The following HPCAL1 variants were observed in gnomAD, a reference collection of about 807,000 sequenced individuals.
HPCAL1 encodes hippocalcin-like protein 1.
Under a neutral mutation model 17.1 loss-of-function variants are expected in HPCAL1, and 8 were observed. The observed-to-expected ratio is 0.47, with a 90% CI of 0.27 to 0.84. The LOEUF (loss-of-function observed/expected upper bound fraction) is 0.84, where lower values mean the gene tolerates loss of function less well. Ranked by LOEUF, HPCAL1 falls within the 40% of genes least tolerant of loss-of-function variation. HPCAL1 has a pLI of 0.13. For missense variants in HPCAL1, 165 were observed against 271.1 expected, an observed-to-expected ratio of 0.61 and a Z score of 2.75; for synonymous variants, 112 against 111.4, an observed-to-expected ratio of 1.01 and a Z score of -0.03.
chr2:10,426,933 T>A lies in HPCAL1; in HGVS notation c.*112T>A. The A allele has an allele frequency of 9.9e-7, 1 of 1,012,508 alleles. No individual in the cohort carries two copies. Among genetic ancestry groups the A allele is most frequent in the Non-Finnish European group, 1.5e-6 (1 of 663,774 alleles). 62.7% of individuals were successfully genotyped at this position (1,012,508 alleles called of 1,614,324 possible). A position where few individuals can be genotyped will look rare whatever the true frequency, so the allele number is the denominator to read the frequency against. On this transcript the variant is annotated 3_prime_UTR_variant, in exon 5 of 5. Coordinates refer to ENST00000307845, the MANE Select transcript of HPCAL1 (RefSeq NM_002149.4). ...TTCCTGCTCTCCCGGGCCCCGGGCC[T>A]GGGGCATGCGTTGCACCTGCCCAGC...
chr2:10,349,690 A>T (rs55709962), intron 1 of HPCAL1, among the ~76,000 whole-genome samples: 1 of 118,026 alleles, frequency 8.5e-6, no homozygotes, highest in Admixed American at 1.0e-4. Context: ...GTGACAGAGC[A>T]AGACTCTGTC....
chr2:10,416,470 G>A (rs1372291487), intron 2 of HPCAL1, among the ~76,000 whole-genome samples: 4 of 152,200 alleles, frequency 2.6e-5, no homozygotes, highest in Non-Finnish European at 5.9e-5. Flanking sequence ...TCCAGAGGGA[G>A]CCCACATCTC....
intron 1 of HPCAL1, among the ~76,000 whole-genome samples, chr2:10,379,475 G>A (rs1021719018): frequency 2.6e-5 from 4 of 152,006 alleles, no homozygotes; most frequent in Admixed American, 2.0e-4. Flanking sequence ...AGGAGCTATG[G>A]CCGTGGCTGA....
At chr2:10,390,766 C>T (rs1297940938) in intron 1 of HPCAL1, among the ~76,000 whole-genome samples, 3 of 152,078 alleles carry the variant, frequency 2.0e-5, no homozygotes, top group Non-Finnish European at 4.4e-5. Flanking sequence ...ACCGAATGCA[C>T]CCCACCCCCC....
chr2:10,320,434 G>T (rs909523007), intron 1 of HPCAL1, among the ~76,000 whole-genome samples: 4 of 152,118 alleles, frequency 2.6e-5, no homozygotes, highest in African/African-American at 9.7e-5. Flanking sequence ...ACCTCCCCCT[G>T]CTCTCCCTTC....
At chr2:10,307,412 C>G (rs992517823) in intron 1 of HPCAL1, among the ~76,000 whole-genome samples, 3 of 152,150 alleles carry the variant, frequency 2.0e-5, no homozygotes, top group Non-Finnish European at 4.4e-5. Flanking sequence ...TCTACCTGCC[C>G]AGGTGCACTG....
chr2:10,312,437 A>G (rs562584202), intron 1 of HPCAL1, among the ~76,000 whole-genome samples: 11 of 150,452 alleles, frequency 7.3e-5, no homozygotes, highest in African/African-American at 2.5e-4. Context: ...CATCATCACT[A>G]TCATCATTAT....
chr2:10,399,233 C>CGCTGCTGCT (rs765808869), intron 2 of HPCAL1, among the ~76,000 whole-genome samples: 1 of 66,376 alleles, frequency 1.5e-5, no homozygotes, highest in Admixed American at 1.5e-4. Context: ...CCACCACCAC[C>CGCTGCTGCT]ACCACCATCA....
intron 2 of HPCAL1, among the ~76,000 whole-genome samples, chr2:10,397,328 G>T (rs957591058): frequency 6.6e-6 from 1 of 152,152 alleles, no homozygotes; most frequent in African/African-American, 2.4e-5. Flanking sequence ...ATCCCCTGCA[G>T]CCCCTGTACC....
chr2:10,349,702 C>CAAAAAAAAAAAAAAA (rs55897775), intron 1 of HPCAL1, among the ~76,000 whole-genome samples: 4 of 52,736 alleles, frequency 7.6e-5, no homozygotes, highest in African/African-American at 1.9e-4. Context: ...GACTCTGTCT[C>CAAAAAAAAAAAAAAA]AAAAAAAAAA....
intron 3 of HPCAL1, 138 bp downstream of exon 3, chr2:10,420,273 T>C (rs1670979657): frequency 7.7e-6 from 6 of 775,004 alleles, no homozygotes; most frequent in Non-Finnish European, 1.2e-5. Context: ...GCAGTGGCAC[T>C]ATCTCAGCTC....
rs1671466996 is a variant in HPCAL1 at position 10,427,121 on chromosome 2, T to C, written c.*300T>C. On this transcript the variant is annotated 3_prime_UTR_variant, in exon 5 of 5. Coordinates refer to ENST00000307845, the MANE Select transcript of HPCAL1 (RefSeq NM_002149.4). ...GGCTCACGGGGAGCTCAGAGGTCCA[T>C]GCCGAGGAGACCAGGCAGGACCTCC... 2.7e-6 allele frequency: 1 copy of C among 377,152 alleles called. No individual in the cohort carries two copies. The highest frequency in any genetic ancestry group is 2.1e-5 in the African/African-American group (1 of 48,260). The allele number at this position is 377,152 out of a possible 1,614,324, so 23.4% of individuals were successfully genotyped here. A position where few individuals can be genotyped will look rare whatever the true frequency, so the allele number is the denominator to read the frequency against.
rs1361775581 is a variant in HPCAL1 at position 10,395,545 on chromosome 2, C to T, written c.-110-1290C>T. On this transcript the variant is annotated intron_variant, in intron 1 of 4. Coordinates refer to ENST00000307845, the MANE Select transcript of HPCAL1 (RefSeq NM_002149.4). The surrounding 1 kb of genome is among the most constrained non-coding windows in gnomAD (Gnocchi z 4.4). Reference sequence around the variant, plus strand: ...AGCGAGGGGAGCCCCGCTGGCACGCCGCACTGTGCTGAGGCTGGGTGTTCT... The same window carrying T: ...AGCGAGGGGAGCCCCGCTGGCACGCTGCACTGTGCTGAGGCTGGGTGTTCT... Among the ~76,000 whole-genome samples the T allele has an allele frequency of 2.0e-5, 3 of 152,170 alleles. No homozygotes were observed. The highest frequency in any genetic ancestry group is 6.5e-5 in the Admixed American group (1 of 15,286).
At chr2:10,346,573 T>C (rs996021868) in intron 1 of HPCAL1, among the ~76,000 whole-genome samples, 2 of 152,150 alleles carry the variant, frequency 1.3e-5, no homozygotes, top group Admixed American at 6.5e-5. Context: ...CTATAAATGG[T>C]CCATTAAAAG....
At chr2:10,368,674 G>A (rs1457708650) in intron 1 of HPCAL1, 1 of 152,276 alleles carries the variant, frequency 6.6e-6, no homozygotes, top group African/African-American at 2.4e-5. Context: ...CCCAGGCCCT[G>A]TCTGGTGGTG....
At chr2:10,389,890 G>A (rs1022615223) in intron 1 of HPCAL1, among the ~76,000 whole-genome samples, 8 of 152,194 alleles carry the variant, frequency 5.3e-5, no homozygotes, top group African/African-American at 1.9e-4. Context: ...TCTTTCTGTT[G>A]GACATACATG....
At position 10,362,516 on chromosome 2, in the gene HPCAL1, T is replaced by C. The variant is rs1328824891; in HGVS notation, c.-110-34319T>C. On this transcript the variant is annotated intron_variant, in intron 1 of 4. Coordinates refer to ENST00000307845, the MANE Select transcript of HPCAL1 (RefSeq NM_002149.4). The surrounding 1 kb of genome is among the most constrained non-coding windows in gnomAD (Gnocchi z 5.0). ...AGGACAGGGAAGGAACATGTCTGCT[T>C]CTTTCCTTCAGGAAAGGAAAGGTGA... Among the ~76,000 whole-genome samples the C allele has an allele frequency of 6.6e-6, 1 of 152,176 alleles. No homozygotes were observed. Among genetic ancestry groups the C allele is most frequent in the Non-Finnish European group, 1.5e-5 (1 of 68,028 alleles).
intron 1 of HPCAL1, among the ~76,000 whole-genome samples, chr2:10,355,281 C>T (rs1202116872): frequency 6.6e-6 from 1 of 151,206 alleles, no homozygotes; most frequent in Non-Finnish European, 1.5e-5. Flanking sequence ...GAAACCCCGT[C>T]TCTACTAAAA....
intron 1 of HPCAL1, among the ~76,000 whole-genome samples, chr2:10,369,741 C>T (rs1382378241): frequency 1.3e-5 from 2 of 152,188 alleles, no homozygotes; most frequent in African/African-American, 4.8e-5. Context: ...AAACTGTCAC[C>T]AGGTCCTTAT....
Sources: gnomAD v4.1 joint callset for allele counts (sites outside exome capture counted in the v4.1 genomes callset) on GRCh38, gnomAD v4.1.1 for gene constraint, Gnocchi (gnomAD v3.1) non-coding constraint, MANE v1.5 for transcripts, NCBI Gene and HGNC (gene_info 2026-07-23, HGNC 2026-07-21) for gene names.